Variants in RFX3 observed in about 807,000 individuals in gnomAD.
RFX3 encodes the protein regulatory factor X3.
In RFX3, 14 loss-of-function variants were observed where a neutral mutation model predicts 98.6. The ratio of observed to expected loss-of-function variants is 0.14; its 90% confidence interval spans 0.09 to 0.22. The LOEUF is 0.22. RFX3 is among the 10% of genes least tolerant of loss of function. RFX3 has a pLI of 1.00. For missense variants in RFX3, 639 were observed against 926.9 expected (o/e 0.69, Z 4.03); for synonymous variants, 383 against 328.4 (o/e 1.17, Z -1.80).
At chr9:3,341,417 A>T (rs1011178372) in intron 3 of RFX3, among the ~76,000 whole-genome samples, 35 of 79,328 alleles carry the variant, frequency 4.4e-4, no homozygotes, top group African/African-American at 1.8e-3. Flanking sequence ...TAATAAAATT[A>T]AAAAAAAAAA....
intron 1 of RFX3, among the ~76,000 whole-genome samples, chr9:3,483,635 C>T (rs1850001945): frequency 6.6e-6 from 1 of 152,158 alleles, no homozygotes; most frequent in Admixed American, 6.6e-5. Flanking sequence ...CAATAATTCA[C>T]ATTGAAATCC....
intron 4 of RFX3, among the ~76,000 whole-genome samples, chr9:3,308,289 A>G (rs1386498265): frequency 6.6e-6 from 1 of 152,114 alleles, no homozygotes; most frequent in Non-Finnish European, 1.5e-5. Context: ...TGTAAGATCA[A>G]ATGGTGGGGT....
At chr9:3,412,216 G>A (rs569700339) in intron 1 of RFX3, among the ~76,000 whole-genome samples, 1 of 152,178 alleles carries the variant, frequency 6.6e-6, no homozygotes, top group South Asian at 2.1e-4. Context: ...TAATCATGTT[G>A]TATTACTTTA....
chr9:3,466,751 G>C (rs1177677910), intron 1 of RFX3, among the ~76,000 whole-genome samples: 1 of 151,868 alleles, frequency 6.6e-6, no homozygotes, highest in Non-Finnish European at 1.5e-5. Flanking sequence ...CTATTTTATT[G>C]GAGAAATCAT....
intron 15 of RFX3, among the ~76,000 whole-genome samples, chr9:3,233,002 G>C (rs1372088288): frequency 6.6e-6 from 1 of 152,176 alleles, no homozygotes; most frequent in Non-Finnish European, 1.5e-5. Flanking sequence ...GAAACGTTCC[G>C]AAGAGAAACT....
At chr9:3,509,942 G>T (rs538948927) in intron 1 of RFX3, among the ~76,000 whole-genome samples, 1 of 152,022 alleles carries the variant, frequency 6.6e-6, no homozygotes, top group African/African-American at 2.4e-5. Flanking sequence ...TGGGGAGGAG[G>T]AAGGAGGGGT....
intron 2 of RFX3, among the ~76,000 whole-genome samples, chr9:3,348,683 G>A (rs1834733494): frequency 6.6e-6 from 1 of 151,928 alleles, no homozygotes; most frequent in South Asian, 2.1e-4. Flanking sequence ...CCCTCCAGAG[G>A]TGATCGGTGT....
chr9:3,328,118 G>C (rs545884373), intron 4 of RFX3, among the ~76,000 whole-genome samples: 15 of 152,216 alleles, frequency 9.9e-5, no homozygotes, highest in Admixed American at 8.5e-4. Context: ...AAGGATGGTA[G>C]GTTAGGATAA....
chr9:3,397,687 C>G (rs1159337036), intron 1 of RFX3, among the ~76,000 whole-genome samples: 1 of 152,124 alleles, frequency 6.6e-6, no homozygotes, highest in African/African-American at 2.4e-5. Flanking sequence ...ACATTGGCAT[C>G]TTTTTAGGGG....
intron 1 of RFX3, among the ~76,000 whole-genome samples, chr9:3,503,469 G>A (rs181128434): frequency 6.6e-6 from 1 of 151,942 alleles, no homozygotes; most frequent in African/African-American, 2.4e-5. Context: ...CGAATACTGT[G>A]AAACTGTACA....
intron 1 of RFX3, among the ~76,000 whole-genome samples, chr9:3,433,997 A>G (rs1391017164): frequency 6.6e-6 from 1 of 152,146 alleles, no homozygotes; most frequent in Non-Finnish European, 1.5e-5. Context: ...CCTGCTCTAG[A>G]ACAGTGTTTC....
chr9:3,467,661 A>G (rs561173066), intron 1 of RFX3, among the ~76,000 whole-genome samples: 2 of 152,166 alleles, frequency 1.3e-5, no homozygotes, highest in Non-Finnish European at 2.9e-5. Context: ...AGTCTTCAAA[A>G]GAGGACAACA....
intron 16 of RFX3, 132 bp downstream of exon 16, chr9:3,228,715 T>G: frequency 1.6e-6 from 1 of 633,468 alleles, no homozygotes; most frequent in Non-Finnish European, 2.6e-6. Flanking sequence ...AAGACAGGAG[T>G]TTCCTATTTA....
At chr9:3,480,910 A>G (rs985206496) in intron 1 of RFX3, among the ~76,000 whole-genome samples, 1 of 152,168 alleles carries the variant, frequency 6.6e-6, no homozygotes, top group Admixed American at 6.6e-5. Flanking sequence ...AAGTATAATC[A>G]ACCTAGCTAG....
intron 1 of RFX3, among the ~76,000 whole-genome samples, chr9:3,500,554 A>G (rs1360481917): frequency 6.6e-6 from 1 of 152,218 alleles, no homozygotes; most frequent in African/African-American, 2.4e-5. Flanking sequence ...AGTAACTTAA[A>G]GGCTCCACTT....
intron 1 of RFX3, among the ~76,000 whole-genome samples, chr9:3,487,687 G>C (rs983081597): frequency 1.3e-5 from 2 of 152,030 alleles, no homozygotes; most frequent in African/African-American, 4.8e-5. Flanking sequence ...CTGTCTCCCA[G>C]TAAAGTACTA....
chr9:3,247,406 T>C, intron 15 of RFX3: 1 of 851,030 alleles, frequency 1.2e-6, no homozygotes, highest in Non-Finnish European at 1.4e-6. Flanking sequence ...TCTACCATTT[T>C]TTAGCTGAGT....
At chr9:3,228,206 T>C (rs923747381) in intron 16 of RFX3, among the ~76,000 whole-genome samples, 1 of 152,222 alleles carries the variant, frequency 6.6e-6, no homozygotes, top group Non-Finnish European at 1.5e-5. Flanking sequence ...GTAAGATTTG[T>C]GTGCTCTATC....
intron 1 of RFX3, among the ~76,000 whole-genome samples, chr9:3,438,852 T>G (rs1170064599): frequency 6.6e-6 from 1 of 151,956 alleles, no homozygotes; most frequent in East Asian, 1.9e-4. Flanking sequence ...TTTTAAATGA[T>G]TATGCACCAA....
Sources: gnomAD v4.1 joint callset for allele counts (sites outside exome capture counted in the v4.1 genomes callset) on GRCh38, gnomAD v4.1.1 for gene constraint, MANE v1.5 for transcripts, NCBI Gene and HGNC (gene_info 2026-07-23, HGNC 2026-07-21) for gene names.